The following DOK6 variants were observed in gnomAD, a reference collection of about 807,000 sequenced individuals.
DOK6 encodes downstream of tyrosine kinase 6.
DOK6 carries 22 observed loss-of-function variants against 44.0 expected under a neutral mutation model. That is an observed-to-expected ratio of 0.50 (90% confidence interval 0.36 to 0.71). The LOEUF is 0.71. DOK6 is among the 30% of genes least tolerant of loss of function. DOK6 has a pLI of 0.00. For synonymous variants in DOK6, 166 were observed against 145.5 expected (o/e 1.14, Z -1.01); for missense variants, 340 against 416.4 (o/e 0.82, Z 1.60).
At chr18:69,425,402 C>A (rs915338436) in intron 1 of DOK6, among the ~76,000 whole-genome samples, 1 of 152,032 alleles carries the variant, frequency 6.6e-6, no homozygotes, top group Admixed American at 6.6e-5. Flanking sequence ...GCTCCTCCCC[C>A]TTTCAATTAT....
chr18:69,605,468 C>A (rs577118791), intron 3 of DOK6, among the ~76,000 whole-genome samples: 10 of 152,070 alleles, frequency 6.6e-5, no homozygotes, highest in Non-Finnish European at 1.5e-4. Context: ...CAGTCATATG[C>A]TGTCTTTTCC....
chr18:69,612,194 T>C (rs1177751070), intron 3 of DOK6, among the ~76,000 whole-genome samples: 2 of 133,222 alleles, frequency 1.5e-5, no homozygotes, highest in Non-Finnish European at 3.2e-5. Context: ...GATCTTAAGG[T>C]TGTCTATAGT....
At chr18:69,618,261 G>C (rs1266748729) in intron 3 of DOK6, among the ~76,000 whole-genome samples, 1 of 152,158 alleles carries the variant, frequency 6.6e-6, no homozygotes. Context: ...GTCAGTCCTA[G>C]GAAACTAATA....
intron 3 of DOK6, among the ~76,000 whole-genome samples, chr18:69,619,185 G>C (rs768026560): frequency 1.3e-5 from 2 of 152,196 alleles, no homozygotes; most frequent in African/African-American, 4.8e-5. Context: ...AGAAGAACGT[G>C]GAACGCAATA....
intron 7 of DOK6, among the ~76,000 whole-genome samples, chr18:69,765,102 CTT>C (rs1239951218): frequency 2.6e-5 from 4 of 152,178 alleles, no homozygotes; most frequent in Non-Finnish European, 5.9e-5. Flanking sequence ...AAATCAAAGA[CTT>C]TGTTTCCTCT....
At chr18:69,415,551 T>C (rs1188950668) in intron 1 of DOK6, among the ~76,000 whole-genome samples, 1 of 152,108 alleles carries the variant, frequency 6.6e-6, no homozygotes, top group Non-Finnish European at 1.5e-5. Context: ...AGGCACCAGA[T>C]ATTTATTTTA....
chr18:69,810,570 G>C (rs1404719791), intron 7 of DOK6, among the ~76,000 whole-genome samples: 1 of 151,888 alleles, frequency 6.6e-6, no homozygotes, highest in Non-Finnish European at 1.5e-5. Flanking sequence ...CCATCCATCT[G>C]ATAAGGAGTT....
intron 7 of DOK6, among the ~76,000 whole-genome samples, chr18:69,821,238 C>T: frequency 6.6e-6 from 1 of 152,068 alleles, no homozygotes; most frequent in East Asian, 1.9e-4. Context: ...CGACTTGCTG[C>T]TCATACTCCC....
At chr18:69,490,805 T>C (rs977680515) in intron 1 of DOK6, among the ~76,000 whole-genome samples, 1 of 152,264 alleles carries the variant, frequency 6.6e-6, no homozygotes, top group Non-Finnish European at 1.5e-5. Context: ...AGTGTTTTTA[T>C]TTAAAGCCTT....
rs184178612 is a variant in DOK6 at position 69,738,927 on chromosome 18, A to G, written c.600-38A>G. The G allele has an allele frequency of 3.9e-4, 636 of 1,610,474 alleles. 2 individuals are homozygous for G. In the African/African-American group the frequency reaches 7.3e-3, roughly 19 times the overall value. On this transcript the variant is annotated intron_variant, in intron 5 of 7. Transcript: ENST00000382713. The stretch of plus-strand genomic sequence containing the variant: ...GGAAAACTGTTATGCACTTGAACAC[A>G]TGGAGACCCATCTCTTTCCCTATCT...
chr18:69,469,750 G>T, intron 1 of DOK6: 1 of 255,522 alleles, frequency 3.9e-6, no homozygotes, highest in Non-Finnish European at 8.1e-6. Flanking sequence ...CGAGAGGCCA[G>T]GACGCCATCG....
At chr18:69,456,757 T>C (rs1979643783) in intron 1 of DOK6, among the ~76,000 whole-genome samples, 1 of 152,186 alleles carries the variant, frequency 6.6e-6, no homozygotes, top group African/African-American at 2.4e-5. Context: ...ACTAATTTTC[T>C]TTCCTACGAA....
intron 3 of DOK6, among the ~76,000 whole-genome samples, chr18:69,653,966 C>T (rs117631178): frequency 0.017 from 2,519 of 152,208 alleles, 23 homozygotes; most frequent in Non-Finnish European, 0.028. Context: ...GTCAAAATAG[C>T]TGTGATTAAC....
intron 1 of DOK6, among the ~76,000 whole-genome samples, chr18:69,414,131 A>G (rs1435672223): frequency 6.6e-6 from 1 of 152,070 alleles, no homozygotes; most frequent in East Asian, 1.9e-4. Flanking sequence ...TGGGTCACTC[A>G]TTACTGGCGG....
chr18:69,623,685 A>G (rs971969142), intron 3 of DOK6, among the ~76,000 whole-genome samples: 1 of 152,194 alleles, frequency 6.6e-6, no homozygotes. Flanking sequence ...ATTGAATGCT[A>G]CTGTGCTTCT....
At chr18:69,441,511 T>C (rs1979136364) in intron 1 of DOK6, among the ~76,000 whole-genome samples, 1 of 152,180 alleles carries the variant, frequency 6.6e-6, no homozygotes, top group East Asian at 1.9e-4. Context: ...TTGAAGTATA[T>C]TTTTTGTAAA....
intron 2 of DOK6, among the ~76,000 whole-genome samples, chr18:69,590,222 A>C (rs1983592966): frequency 6.6e-6 from 1 of 152,160 alleles, no homozygotes; most frequent in Non-Finnish European, 1.5e-5. Context: ...ATGAATGAAA[A>C]TTAACTATTT....
chr18:69,486,298 T>A (rs1050166751), intron 1 of DOK6, among the ~76,000 whole-genome samples: 3 of 152,120 alleles, frequency 2.0e-5, no homozygotes, highest in African/African-American at 4.8e-5. Context: ...AAATTATACA[T>A]GTTTAGTTTT....
chr18:69,622,248 A>G (rs73459963), intron 3 of DOK6, among the ~76,000 whole-genome samples: 1 of 152,122 alleles, frequency 6.6e-6, no homozygotes, highest in African/African-American at 2.4e-5. Flanking sequence ...CCAGCCCCAT[A>G]AAGAGAGAAA....
Sources: gnomAD v4.1 joint callset for allele counts (sites outside exome capture counted in the v4.1 genomes callset) on GRCh38, gnomAD v4.1.1 for gene constraint, MANE v1.5 for transcripts, NCBI Gene and HGNC (gene_info 2026-07-23, HGNC 2026-07-21) for gene names.